The following DCTN5 variants were observed in gnomAD, a reference collection of about 807,000 sequenced individuals.
The protein encoded by DCTN5 is dynactin subunit 5.
Under a neutral mutation model 23.5 loss-of-function variants are expected in DCTN5, and 14 were observed. That is an observed-to-expected ratio of 0.60 (90% CI 0.39 to 0.93). DCTN5 has a LOEUF of 0.93. Among genes scored for constraint, DCTN5 ranks in the 40% least tolerant of loss-of-function variants. DCTN5 has a pLI of 0.00. For synonymous variants in DCTN5, 67 were observed against 79.6 expected, an observed-to-expected ratio of 0.84 and a Z score of 0.84; for missense variants, 156 against 225.9, an observed-to-expected ratio of 0.69 and a Z score of 1.98.
chr16:23,641,792 T>C (rs1967272134), intron 1 of DCTN5, among the ~76,000 whole-genome samples: 1 of 152,158 alleles, frequency 6.6e-6, no homozygotes, highest in Admixed American at 6.6e-5. Context: ...TATTTATTCC[T>C]GATTTTCTCA....
intron 2 of DCTN5, among the ~76,000 whole-genome samples, chr16:23,658,100 TGGA>T (rs1158979600): frequency 5.3e-5 from 8 of 152,118 alleles, no homozygotes. Flanking sequence ...AGCATGGAGT[TGGA>T]GGAGGTGTAG....
At position 23,667,682 on chromosome 16, in the gene DCTN5, T is replaced by C. The variant is rs973114607; in HGVS notation, c.*538T>C. The C allele has an allele frequency of 6.4e-5, 10 of 155,060 alleles. No individual in the cohort carries two copies. The highest frequency in any genetic ancestry group is 2.4e-4 in the African/African-American group (10 of 41,480). The allele number at this position is 155,060 out of a possible 1,614,324, so 9.6% of individuals were successfully genotyped here. A position where few individuals can be genotyped will look rare whatever the true frequency, so the allele number is the denominator to read the frequency against. ...TCAGAGCCCAGATTCCTGTTGTCTA[T>C]TAAAACTTGAAGGGAGGGGTGAATA... On this transcript the variant is annotated 3_prime_UTR_variant, in exon 6 of 6. Coordinates refer to ENST00000300087, the MANE Select transcript of DCTN5 (RefSeq NM_032486.4).
chr16:23,650,689 G>T, intron 2 of DCTN5: 1 of 1,438,550 alleles, frequency 7.0e-7, no homozygotes, highest in Middle Eastern at 2.1e-4. Context: ...TTGGTGGAAA[G>T]TTACTTTGTT....
rs61591040 is a variant in DCTN5 at position 23,669,291 on chromosome 16, T to C, written c.*2147T>C. On this transcript the variant is annotated 3_prime_UTR_variant, in exon 6 of 6. Coordinates refer to ENST00000300087, the MANE Select transcript of DCTN5 (RefSeq NM_032486.4). Reference sequence around the variant, plus strand: ...ACGTAGCTGAAAAGGATGGGCTAGATTGGGCTTCAGGCTGCATCCCAGGAC... The same window carrying C: ...ACGTAGCTGAAAAGGATGGGCTAGACTGGGCTTCAGGCTGCATCCCAGGAC... 0.052 allele frequency: 7,858 copies of C among 152,302 alleles called. 393 individuals carry two copies. The highest frequency in any genetic ancestry group is 0.12 in the African/African-American group (5,018 of 41,524). 9.4% of individuals were successfully genotyped at this position (152,302 alleles called of 1,614,324 possible). A position where few individuals can be genotyped will look rare whatever the true frequency, so the allele number is the denominator to read the frequency against.
At position 23,661,260 on chromosome 16, in the gene DCTN5, T is replaced by G; in HGVS notation, c.327T>G (p.His109Gln). ...VNAAQIGSYV[H>Q]VGKNCVIGRR... ...CAGCACAGATTGGTTCCTATGTTCA[T>G]GTTGGGAAGAACTGTGTGATTGTGA... The change falls in exon 4 of 6, where the codon CAT (histidine) becomes CAG (glutamine). Residue 109 changes from histidine to glutamine, a missense_variant. By Grantham distance (24) the His-to-Gln change is conservative. This residue lies in a region of DCTN5 where 153 missense variants were observed against 206.8 expected (regional missense o/e 0.74). Coordinates refer to ENST00000300087, the MANE Select transcript of DCTN5 (RefSeq NM_032486.4). 3.7e-6 allele frequency: 6 copies of G among 1,612,296 alleles called. No homozygotes were observed. Among genetic ancestry groups the G allele is most frequent in the Non-Finnish European group, 5.1e-6 (6 of 1,179,180 alleles).
intron 2 of DCTN5, among the ~76,000 whole-genome samples, chr16:23,645,083 CTATA>C (rs869302728): frequency 3.5e-3 from 114 of 33,036 alleles, no homozygotes; most frequent in Non-Finnish European, 4.4e-3. Context: ...CCCAGCCTAA[CTATA>C]TATATATATA....
chr16:23,664,871 A>T (rs865775723), intron 4 of DCTN5, among the ~76,000 whole-genome samples: 2 of 152,330 alleles, frequency 1.3e-5, no homozygotes, highest in African/African-American at 4.8e-5. Context: ...AACCAACCTT[A>T]AGCTGGTGGA....
intron 3 of DCTN5, 73 bp downstream of exon 3, chr16:23,658,698 T>TTG: frequency 8.5e-7 from 1 of 1,180,618 alleles, no homozygotes; most frequent in Non-Finnish European, 1.3e-6. Context: ...ATGTGTTGAG[T>TTG]TGTGGTATAA....
chr16:23,660,468 A>G (rs1009551722), intron 3 of DCTN5, among the ~76,000 whole-genome samples: 4 of 152,244 alleles, frequency 2.6e-5, no homozygotes, highest in African/African-American at 9.6e-5. Context: ...GATGGGAATG[A>G]TGTCAGATAT....
chr16:23,657,366 G>A (rs1967724933), intron 2 of DCTN5: 1 of 303,240 alleles, frequency 3.3e-6, no homozygotes, highest in Non-Finnish European at 6.6e-6. Flanking sequence ...TTAGGCGGGA[G>A]GATCCCTTGA....
rs1967332120 is a variant in DCTN5, at chr16:23,642,970, G to A, written c.64G>A (p.Val22Ile). The A allele has an allele frequency of 6.2e-7, 1 of 1,614,144 alleles. No individual in the cohort carries two copies. Among genetic ancestry groups the A allele is most frequent in the Non-Finnish European group, 8.5e-7 (1 of 1,180,010 alleles). The change falls in exon 2 of 6, where the codon GTC becomes ATC. Residue 22 changes from valine (V) to isoleucine (I), a missense_variant. By Grantham distance (29) the Val-to-Ile change is conservative. Transcript: ENST00000300087. ...EYIETASGNK[V>I]SRQSVLCGSQ... is the part of the protein sequence containing the mutation. ...TTTCTTTTAGGCATCTGGGAACAAA[G>A]TCAGTCGCCAGTCAGTGTTGTGTGG... is the stretch of plus-strand genomic sequence containing the variant.
At chr16:23,658,055 A>T (rs1967742587) in intron 2 of DCTN5, among the ~76,000 whole-genome samples, 1 of 152,196 alleles carries the variant, frequency 6.6e-6, no homozygotes, top group South Asian at 2.1e-4. Context: ...AGAGGTTGGG[A>T]GATGAACCAG....
rs1004484952 is a variant in DCTN5 at position 23,677,410 on chromosome 16, T to C, written c.*10266T>C. 3 of 152,180 alleles carry C rather than the reference T, an allele frequency of 2.0e-5. No individual in the cohort carries two copies. The highest frequency in any genetic ancestry group is 7.2e-5 in the African/African-American group (3 of 41,448). 9.4% of individuals were successfully genotyped at this position (152,180 alleles called of 1,614,324 possible). A position where few individuals can be genotyped will look rare whatever the true frequency, so the allele number is the denominator to read the frequency against. ...TCTATGAACAATTATAATATGTACA[T>C]TTTTTTCTGTAAGTGTATTAAATTT... is the stretch of plus-strand genomic sequence containing the variant. On this transcript the variant is annotated 3_prime_UTR_variant, in exon 6 of 6. Coordinates refer to ENST00000300087, the MANE Select transcript of DCTN5 (RefSeq NM_032486.4).
chr16:23,641,748 G>C (rs919133999), intron 1 of DCTN5, among the ~76,000 whole-genome samples, 158 bp downstream of exon 1: 6 of 152,022 alleles, frequency 3.9e-5, no homozygotes, highest in African/African-American at 1.4e-4. Context: ...TGGCTTTGCT[G>C]TTTACTCCGC....
intron 2 of DCTN5, among the ~76,000 whole-genome samples, chr16:23,648,702 C>G (rs944593214): frequency 1.3e-5 from 2 of 151,960 alleles, no homozygotes; most frequent in Non-Finnish European, 2.9e-5. Flanking sequence ...AGTGGCTGTA[C>G]TAGTTTACAT....
chr16:23,655,256 T>TA (rs1297474785), intron 2 of DCTN5, among the ~76,000 whole-genome samples: 1 of 152,226 alleles, frequency 6.6e-6, no homozygotes, highest in East Asian at 1.9e-4. Context: ...CAAACTCATT[T>TA]ACCAGCTTCC....
At position 23,673,520 on chromosome 16, in the gene DCTN5, T is replaced by C. The variant is rs1275992215; in HGVS notation, c.*6376T>C. 6.6e-6 allele frequency: 1 copy of C among 152,224 alleles called. No individual in the cohort carries two copies. Among genetic ancestry groups the C allele is most frequent in the African/African-American group, 2.4e-5 (1 of 41,452 alleles). The allele number at this position is 152,224 out of a possible 1,614,324, so 9.4% of individuals were successfully genotyped here. ...AACTTGTTTTTACTGGTTGATTTCA[T>C]TGCTTAAAAAACATACCTTAGCTGG... On this transcript the variant is annotated 3_prime_UTR_variant, in exon 6 of 6. Coordinates refer to ENST00000300087, the MANE Select transcript of DCTN5 (RefSeq NM_032486.4).
At chr16:23,665,217 G>T (rs376255836) in intron 4 of DCTN5, among the ~76,000 whole-genome samples, 10 of 152,258 alleles carry the variant, frequency 6.6e-5, no homozygotes, top group Non-Finnish European at 2.9e-5. Context: ...TGTGTGGGCT[G>T]GGGGGTGAAG....
chr16:23,649,837 CAA>C lies in DCTN5; in HGVS notation c.117+6834_117+6835del, dbSNP rs1175500177. Among the ~76,000 whole-genome samples the C allele has an allele frequency of 1.4e-3, 78 of 55,970 alleles. 2 individuals carry two copies. Among genetic ancestry groups the C allele is most frequent in the African/African-American group, 2.2e-3 (40 of 18,100 alleles). 36.7% of individuals were successfully genotyped at this position (55,970 alleles called of 152,430 possible). ...TGGGCAACAGAGTGAGACTCTGTCT[CAA>C]AAAAAAAAAAAAAAAAAAAGATTTC... On this transcript the variant is annotated intron_variant, in intron 2 of 5. Coordinates refer to ENST00000300087, the MANE Select transcript of DCTN5 (RefSeq NM_032486.4).
Sources: allele counts gnomAD v4.1 joint callset (sites outside exome capture counted in the v4.1 genomes callset), GRCh38; gene constraint gnomAD v4.1.1; regional missense constraint gnomAD v4.1.1; transcripts MANE v1.5; gene names NCBI Gene and HGNC (gene_info 2026-07-23, HGNC 2026-07-21).